PPIH: variants seen among roughly 807,000 people sequenced by gnomAD.
PPIH encodes the protein peptidyl-prolyl cis-trans isomerase H.
In PPIH, 16 loss-of-function variants were observed where a neutral mutation model predicts 27.6. The observed-to-expected ratio is 0.58, with a 90% CI of 0.39 to 0.88. The LOEUF is 0.88. Among genes scored for constraint, PPIH ranks in the 40% least tolerant of loss-of-function variants. PPIH has a pLI of 0.00. For missense variants in PPIH, 155 were observed against 224.1 expected (o/e 0.69, Z 1.97); for synonymous variants, 63 against 76.1 (o/e 0.83, Z 0.90).
At chr1:42,676,469 A>G (rs1483839417) in intron 9 of PPIH, 115 bp from the exon 10 acceptor site, 1 of 148,518 alleles carries the variant, frequency 6.7e-6, no homozygotes, top group African/African-American at 2.5e-5. Context: ...CTCTGTCTCA[A>G]AAAAAAAAAA....
At chr1:42,661,095 C>A (rs3768026) in intron 5 of PPIH, 191 bp downstream of exon 5, 175,553 of 560,250 alleles carry the variant, frequency 0.31, 28,881 homozygotes, top group South Asian at 0.33. Context: ...TGTAGATAAC[C>A]GACTTTAGCA....
chr1:42,673,510 A>G (rs999232025), intron 9 of PPIH, among the ~76,000 whole-genome samples: 1 of 152,100 alleles, frequency 6.6e-6, no homozygotes, highest in African/African-American at 2.4e-5. Context: ...AATGGTAGAG[A>G]GCTTTCCTTA....
At chr1:42,675,669 T>C (rs1315546293) in intron 9 of PPIH, among the ~76,000 whole-genome samples, 1 of 152,192 alleles carries the variant, frequency 6.6e-6, no homozygotes, top group African/African-American at 2.4e-5. Context: ...AGGTGTGGCA[T>C]GTTTGAGGAA....
At chr1:42,663,314 C>T (rs967898547) in intron 5 of PPIH, among the ~76,000 whole-genome samples, 1 of 152,150 alleles carries the variant, frequency 6.6e-6, no homozygotes, top group Non-Finnish European at 1.5e-5. Context: ...GTAATTTCAT[C>T]CTCACTTGAT....
intron 6 of PPIH, among the ~76,000 whole-genome samples, chr1:42,665,325 A>C (rs1341571077): frequency 6.6e-6 from 1 of 152,052 alleles, no homozygotes; most frequent in African/African-American, 2.4e-5. Flanking sequence ...GAATCGCTTG[A>C]ACCCAGGACG....
chr1:42,658,497 CA>C lies in PPIH; in HGVS notation c.52del (p.Ser18ValfsTer10), dbSNP rs753621105. 1.9e-6 allele frequency: 3 copies of C among 1,614,106 alleles called. No individual in the cohort carries two copies. In the Admixed American group the frequency reaches 5.0e-5, roughly 27 times the overall value. On this transcript the variant is annotated frameshift_variant, in exon 1 of 10. Coordinates refer to ENST00000304979, the MANE Select transcript of PPIH (RefSeq NM_006347.4). LOFTEE classifies it high-confidence loss of function. ...TTAACCCCGTGGTGTTCTTTGATGT[CA>C]GTATTGGCGGTCAGGTGAGATCCAG... ...PVNPVVFFDV[S>X]IGGQEVGRMK...
chr1:42,658,684 C>A lies in PPIH; in HGVS notation c.67-160C>A. The A allele has an allele frequency of 4.5e-6, 5 of 1,114,808 alleles. No homozygotes were observed. In the South Asian group the frequency reaches 7.2e-5, roughly 16 times the overall value. 69.1% of individuals were successfully genotyped at this position (1,114,808 alleles called of 1,614,324 possible). A position where few individuals can be genotyped will look rare whatever the true frequency, so the allele number is the denominator to read the frequency against. On this transcript the variant is annotated intron_variant, in intron 1 of 9. Transcript: ENST00000304979. The stretch of plus-strand genomic sequence containing the variant: ...AAGGAGGAGGAGGAGTCTCCCCAAT[C>A]CTAGCGCCCCGCTTCTGGAGGAACT...
In PPIH at chr1:42,659,511, T is replaced by A; in HGVS notation, c.156-11T>A. 6.2e-7 allele frequency: 1 copy of A among 1,614,214 alleles called. No individual in the cohort carries two copies. Among genetic ancestry groups the A allele is most frequent in the Non-Finnish European group, 8.5e-7 (1 of 1,180,044 alleles). On this transcript the variant is annotated splice_polypyrimidine_tract_variant and intron_variant, in intron 3 of 9. Coordinates refer to ENST00000304979, the MANE Select transcript of PPIH (RefSeq NM_006347.4). Reference sequence around the variant, plus strand: ...TGCTGTCACTCCAAGTCTCTTTCTTTTCGGTTATAGGAAAGATGGGGTTCC... The same window carrying A: ...TGCTGTCACTCCAAGTCTCTTTCTTATCGGTTATAGGAAAGATGGGGTTCC...
downstream of PPIH, among the ~76,000 whole-genome samples, chr1:42,680,891 G>T (rs554736225): frequency 3.9e-4 from 60 of 152,306 alleles, no homozygotes; most frequent in South Asian, 9.7e-3. Context: ...ACAGAAAAAG[G>T]TTCCTACCCC....
chr1:42,677,135 G>C (rs139244102), downstream of PPIH, among the ~76,000 whole-genome samples: 1 of 152,080 alleles, frequency 6.6e-6, no homozygotes, highest in Admixed American at 6.5e-5. Context: ...TAAGAGAGTG[G>C]ATATGAAGGT....
chr1:42,666,210 A>C (rs1465646424), intron 7 of PPIH, 143 bp downstream of exon 7: 2 of 793,246 alleles, frequency 2.5e-6, no homozygotes, highest in Non-Finnish European at 4.2e-6. Flanking sequence ...AATGGTGGGG[A>C]GGTGGGGAAC....
chr1:42,666,161 A>C, intron 7 of PPIH, 94 bp downstream of exon 7: 28 of 1,155,410 alleles, frequency 2.4e-5, no homozygotes, highest in Non-Finnish European at 3.4e-5. Context: ...AAGAAAGCTC[A>C]ACCTGTGTAA....
At chr1:42,668,059 A>G (rs1445234439) in intron 9 of PPIH, among the ~76,000 whole-genome samples, 1 of 152,260 alleles carries the variant, frequency 6.6e-6, no homozygotes, top group Non-Finnish European at 1.5e-5. Context: ...GCTCATGGAA[A>G]GTAAGACATT....
At chr1:42,660,324 T>TTGA (rs1221267848) in intron 4 of PPIH, among the ~76,000 whole-genome samples, 2 of 152,252 alleles carry the variant, frequency 1.3e-5, no homozygotes. Flanking sequence ...GATCATGCAC[T>TTGA]TGATCAACTC....
At chr1:42,667,202 G>T in intron 8 of PPIH, 149 bp from the exon 9 acceptor site, 1 of 611,484 alleles carries the variant, frequency 1.6e-6, no homozygotes, top group East Asian at 2.8e-5. Flanking sequence ...CTCTTTGATA[G>T]GTATTATATG....
downstream of PPIH, chr1:42,678,792 G>C (rs999868279): frequency 1.3e-5 from 2 of 152,132 alleles, no homozygotes; most frequent in African/African-American, 4.8e-5. Context: ...ATAAATATTT[G>C]TTGCATGAAT....
chr1:42,658,839 T>G lies in PPIH; in HGVS notation c.67-5T>G, dbSNP rs1321396809. The G allele has an allele frequency of 6.2e-7, 1 of 1,614,198 alleles. No homozygotes were observed. The highest frequency in any genetic ancestry group is 1.7e-5 in the Admixed American group (1 of 60,028). ...GGCCTTCTGACACTCTCCCGCTGAT[T>G]GCAGGAAGTTGGCCGCATGAAGATC... On this transcript the variant is annotated splice_polypyrimidine_tract_variant and splice_region_variant and intron_variant, in intron 1 of 9. Transcript: ENST00000304979.
At chr1:42,671,671 T>G (rs1383069112) in intron 9 of PPIH, among the ~76,000 whole-genome samples, 2 of 152,146 alleles carry the variant, frequency 1.3e-5, no homozygotes, top group African/African-American at 4.8e-5. Context: ...GCATTTCACT[T>G]TACCAAAAAT....
chr1:42,675,757 A>G (rs1649849337), intron 9 of PPIH, among the ~76,000 whole-genome samples: 1 of 152,210 alleles, frequency 6.6e-6, no homozygotes, highest in African/African-American at 2.4e-5. Context: ...CTTCAAGGCC[A>G]TAAACCCAGA....
Sources: allele counts gnomAD v4.1 joint callset (sites outside exome capture counted in the v4.1 genomes callset), GRCh38; gene constraint gnomAD v4.1.1; transcripts MANE v1.5; gene names NCBI Gene and HGNC (gene_info 2026-07-23, HGNC 2026-07-21).